Variants in RAB3D observed in about 807,000 individuals in gnomAD.
RAB3D encodes the protein ras-related protein Rab-3D.
Under a neutral mutation model 19.3 loss-of-function variants are expected in RAB3D, and 17 were observed. The ratio of observed to expected loss-of-function variants is 0.88; its 90% confidence interval spans 0.60 to 1.32. The LOEUF is 1.32. Among genes scored for constraint, RAB3D ranks in the 40% most tolerant of loss-of-function variants. RAB3D has a pLI of 0.00. For missense variants in RAB3D, 223 were observed against 299.1 expected, an observed-to-expected ratio of 0.75 and a Z score of 1.88; for synonymous variants, 103 against 119.9, an observed-to-expected ratio of 0.86 and a Z score of 0.92.
At position 11,337,199 on chromosome 19, in the gene RAB3D, A is replaced by G. The variant is rs1966903594; in HGVS notation, c.201T>C (p.His67=). Residue 67 remains histidine, a synonymous_variant, in exon 2 of 5, where the codon CAT becomes CAC. Coordinates refer to ENST00000222120, the MANE Select transcript of RAB3D (RefSeq NM_004283.4). ...IDFKVKTVYR[H]DKRIKLQIWD... ...AGATCTGCAGCTTGATCCTCTTGTC[A>G]TGGCGGTAGACGGTCTTGACCTTGA... 1 of 1,613,810 alleles carries G rather than the reference A, an allele frequency of 6.2e-7. No homozygotes were observed. The highest frequency in any genetic ancestry group is 1.1e-5 in the South Asian group (1 of 91,088).
chr19:11,339,257 C>G (rs578156621), intron 1 of RAB3D, among the ~76,000 whole-genome samples: 1 of 152,190 alleles, frequency 6.6e-6, no homozygotes, highest in African/African-American at 2.4e-5. Flanking sequence ...AGATTTGGGG[C>G]GCCCCAGCCA....
chr19:11,327,684 C>T (rs1048551064), intron 4 of RAB3D, among the ~76,000 whole-genome samples: 3 of 152,130 alleles, frequency 2.0e-5, no homozygotes, highest in Non-Finnish European at 2.9e-5. Context: ...CAGGCATGAA[C>T]CACCGTGCCC....
At chr19:11,330,431 C>T (rs2080831601) in intron 4 of RAB3D, among the ~76,000 whole-genome samples, 1 of 152,220 alleles carries the variant, frequency 6.6e-6, no homozygotes, top group Non-Finnish European at 1.5e-5. Context: ...TAGGCATCAA[C>T]TGAGCACGGG....
chr19:11,323,391 G>A lies in RAB3D; in HGVS notation c.*2007C>T, dbSNP rs1568298106. ...AGTGGATCACTTGAAGTCAGTTTGAGACAAGCCTCACCAACATGGTGAAAC... is the reference window on the plus strand; with the variant it reads ...AGTGGATCACTTGAAGTCAGTTTGAAACAAGCCTCACCAACATGGTGAAAC... On this transcript the variant is annotated 3_prime_UTR_variant, in exon 5 of 5. Transcript: ENST00000222120. The A allele has an allele frequency of 6.6e-6, 1 of 152,082 alleles. No individual in the cohort carries two copies. The highest frequency in any genetic ancestry group is 1.5e-5 in the Non-Finnish European group (1 of 68,038). 9.4% of individuals were successfully genotyped at this position (152,082 alleles called of 1,614,324 possible).
rs2080786737 is a variant in RAB3D, at chr19:11,322,616, A to G, written c.*2782T>C. On this transcript the variant is annotated 3_prime_UTR_variant, in exon 5 of 5. Coordinates refer to ENST00000222120, the MANE Select transcript of RAB3D (RefSeq NM_004283.4). ...TTTTCAGTCCCCAGAGACCATTTCC[A>G]ATTAAACCTCACCCCCCAAATCATT... is the stretch of plus-strand genomic sequence containing the variant. 6.6e-6 allele frequency: 1 copy of G among 152,202 alleles called. No homozygotes were observed. Among genetic ancestry groups the G allele is most frequent in the Admixed American group, 6.5e-5 (1 of 15,280 alleles). 9.4% of individuals were successfully genotyped at this position (152,202 alleles called of 1,614,324 possible).
At chr19:11,331,567 C>T (rs769520707) in intron 4 of RAB3D, among the ~76,000 whole-genome samples, 12 of 151,946 alleles carry the variant, frequency 7.9e-5, no homozygotes, top group Non-Finnish European at 1.6e-4. Flanking sequence ...AAAAAATTAG[C>T]CAGTGTGCTG....
intron 1 of RAB3D, among the ~76,000 whole-genome samples, chr19:11,339,124 GCTGGGGCCC>G (rs1568302542): frequency 6.6e-6 from 1 of 152,196 alleles, no homozygotes; most frequent in Non-Finnish European, 1.5e-5. Context: ...GGGCCGCAAG[GCTGGGGCCC>G]CCACCTCCCC....
chr19:11,330,243 C>G (rs890864296), intron 4 of RAB3D, among the ~76,000 whole-genome samples: 1 of 152,216 alleles, frequency 6.6e-6, no homozygotes, highest in African/African-American at 2.4e-5. Context: ...CAGCAAACCT[C>G]CTCTGTAAAA....
At chr19:11,333,285 T>C (rs1379343393) in intron 4 of RAB3D, among the ~76,000 whole-genome samples, 1 of 152,050 alleles carries the variant, frequency 6.6e-6, no homozygotes, top group Admixed American at 6.6e-5. Flanking sequence ...TTTCACAGTG[T>C]TAGCCAGGAT....
chr19:11,336,007 G>T (rs1404756697), intron 2 of RAB3D, among the ~76,000 whole-genome samples: 3 of 152,248 alleles, frequency 2.0e-5, no homozygotes. Context: ...CCAGTCTGAT[G>T]AGGGAGAGAC....
chr19:11,328,579 G>A (rs1438311282), intron 4 of RAB3D, among the ~76,000 whole-genome samples: 1 of 152,074 alleles, frequency 6.6e-6, no homozygotes, highest in African/African-American at 2.4e-5. Context: ...CCCGGGAGGT[G>A]TAGGTTGCAG....
chr19:11,329,981 C>T (rs1427907173), intron 4 of RAB3D, among the ~76,000 whole-genome samples: 1 of 152,164 alleles, frequency 6.6e-6, no homozygotes, highest in African/African-American at 2.4e-5. Context: ...CGAACCTGGC[C>T]TGTACTCCAA....
At chr19:11,338,191 T>C (rs1056963410) in intron 1 of RAB3D, among the ~76,000 whole-genome samples, 7 of 152,206 alleles carry the variant, frequency 4.6e-5, no homozygotes, top group Admixed American at 3.9e-4. Context: ...TCACACCCTG[T>C]GGCGTAACTG....
chr19:11,326,270 ACTCG>A (rs2080812402), intron 4 of RAB3D, among the ~76,000 whole-genome samples: 2 of 151,650 alleles, frequency 1.3e-5, no homozygotes, highest in African/African-American at 4.8e-5. Flanking sequence ...AGTCTCAGCT[ACTCG>A]GAAGGTTAAG....
rs138335060 is a variant in RAB3D, at chr19:11,337,267, C to T, written c.133G>A (p.Asp45Asn). ...KTSFLFRYADDSFTPAFVSTV... is the reference protein window; with the variant it reads ...KTSFLFRYADNSFTPAFVSTV... ...CTGACGAAGGCGGGAGTGAAGGAGTCGTCCGCGTATCGGAACAGGAAGGAA... is the reference window on the plus strand; with the variant it reads ...CTGACGAAGGCGGGAGTGAAGGAGTTGTCCGCGTATCGGAACAGGAAGGAA... Residue 45 changes from aspartate (D) to asparagine (N), a missense_variant, in exon 2 of 5, where the codon GAC (aspartate) becomes AAC (asparagine). Coordinates refer to ENST00000222120, the MANE Select transcript of RAB3D (RefSeq NM_004283.4). 24 of 1,614,002 alleles carry T rather than the reference C, an allele frequency of 1.5e-5. No individual in the cohort carries two copies. The African/African-American group carries it at 2.5e-4, about 17-fold the overall frequency.
chr19:11,332,159 A>G (rs562848957), intron 4 of RAB3D, among the ~76,000 whole-genome samples: 2 of 152,260 alleles, frequency 1.3e-5, no homozygotes, highest in African/African-American at 4.8e-5. Flanking sequence ...CAGCCTCCTG[A>G]GTAGCCGGAA....
At chr19:11,331,613 A>AG (rs2080835850) in intron 4 of RAB3D, among the ~76,000 whole-genome samples, 1 of 152,074 alleles carries the variant, frequency 6.6e-6, no homozygotes, top group African/African-American at 2.4e-5. Flanking sequence ...TGAAAGGCTG[A>AG]GGCAGCAGAA....
In RAB3D at chr19:11,325,121, A is replaced by C. The variant is rs1599355032; in HGVS notation, c.*277T>G. On this transcript the variant is annotated 3_prime_UTR_variant, in exon 5 of 5. Coordinates refer to ENST00000222120, the MANE Select transcript of RAB3D (RefSeq NM_004283.4). ...TGTCACCCATGGCCACCCTCAACACACCCTGGAAAGCAGCAAGCTCATGCA... is the reference window on the plus strand; with the variant it reads ...TGTCACCCATGGCCACCCTCAACACCCCCTGGAAAGCAGCAAGCTCATGCA... The C allele has an allele frequency of 2.9e-6, 1 of 349,680 alleles. No homozygotes were observed. Among genetic ancestry groups the C allele is most frequent in the Non-Finnish European group, 5.4e-6 (1 of 185,022 alleles). 21.7% of individuals were successfully genotyped at this position (349,680 alleles called of 1,614,324 possible).
In RAB3D at chr19:11,323,104, C is replaced by CT. The variant is rs1438188136; in HGVS notation, c.*2293dup. 1 of 148,298 alleles carries CT rather than the reference C, an allele frequency of 6.7e-6. No individual in the cohort carries two copies. The highest frequency in any genetic ancestry group is 2.5e-5 in the African/African-American group (1 of 39,582). The allele number at this position is 148,298 out of a possible 1,614,324, so 9.2% of individuals were successfully genotyped here. A position where few individuals can be genotyped will look rare whatever the true frequency, so the allele number is the denominator to read the frequency against. ...TGCGGCCTGGGCGACGAGCGACTCTCTGTCTTAAAAAAAAAAAAAACAAAA... is the reference window on the plus strand; with the variant it reads ...TGCGGCCTGGGCGACGAGCGACTCTCTTGTCTTAAAAAAAAAAAAAACAAAA... On this transcript the variant is annotated 3_prime_UTR_variant, in exon 5 of 5. Transcript: ENST00000222120.
Sources: gnomAD v4.1 joint callset for allele counts (sites outside exome capture counted in the v4.1 genomes callset) on GRCh38, gnomAD v4.1.1 for gene constraint, MANE v1.5 for transcripts, NCBI Gene and HGNC (gene_info 2026-07-23, HGNC 2026-07-21) for gene names.